Variants in PKHD1 observed in about 807,000 individuals in gnomAD.
The protein encoded by PKHD1 is fibrocystin.
PKHD1 carries 291 observed loss-of-function variants against 412.0 expected under a neutral mutation model. The observed-to-expected ratio is 0.71, with a 90% CI of 0.64 to 0.78. The LOEUF (loss-of-function observed/expected upper bound fraction) is 0.78. PKHD1 is among the 30% of genes least tolerant of loss of function. The probability of loss-of-function intolerance (pLI) is 0.00; values close to 1 mark genes in which losing one functional copy is unlikely to be tolerated. For synonymous variants in PKHD1, 1,777 were observed against 1,821.5 expected (o/e 0.98, Z 0.62); for missense variants, 4,825 against 4,950.7 (o/e 0.97, Z 0.76).
intron 53 of PKHD1, among the ~76,000 whole-genome samples, chr6:51,779,287 C>T (rs1447170296): frequency 6.6e-6 from 1 of 152,054 alleles, no homozygotes; most frequent in Non-Finnish European, 1.5e-5. Flanking sequence ...TACTCCCTTG[C>T]CTCTGCCCCC....
At chr6:51,831,112 AG>A in intron 51 of PKHD1, 123 bp from the exon 52 acceptor site, 2 of 720,862 alleles carry the variant, frequency 2.8e-6, no homozygotes, top group Non-Finnish European at 4.8e-6. Context: ...ATATTTTATA[AG>A]TTTCTGTACA....
intron 60 of PKHD1, among the ~76,000 whole-genome samples, chr6:51,736,693 C>T (rs939256172): frequency 6.6e-6 from 1 of 152,120 alleles, no homozygotes; most frequent in African/African-American, 2.4e-5. Context: ...AGAAAAAGAC[C>T]TCTGCAAGCA....
chr6:52,021,403 ATAT>A (rs1383790533), intron 33 of PKHD1, among the ~76,000 whole-genome samples: 1 of 152,232 alleles, frequency 6.6e-6, no homozygotes, highest in African/African-American at 2.4e-5. Flanking sequence ...TTTTAAAAGT[ATAT>A]TAATTTGAGC....
At chr6:51,731,565 A>G (rs1220166487) in intron 60 of PKHD1, among the ~76,000 whole-genome samples, 2 of 152,198 alleles carry the variant, frequency 1.3e-5, no homozygotes, top group African/African-American at 4.8e-5. Flanking sequence ...TTATATGCCC[A>G]GGATCAATTA....
At chr6:51,734,850 C>A (rs554751942) in intron 60 of PKHD1, among the ~76,000 whole-genome samples, 1 of 152,118 alleles carries the variant, frequency 6.6e-6, no homozygotes, top group African/African-American at 2.4e-5. Flanking sequence ...AATCGACACA[C>A]GATTTAAAGT....
At chr6:51,734,243 T>C (rs1158530213) in intron 60 of PKHD1, among the ~76,000 whole-genome samples, 1 of 152,196 alleles carries the variant, frequency 6.6e-6, no homozygotes, top group East Asian at 1.9e-4. Flanking sequence ...GTCTCCAAAA[T>C]AGGAATAGTC....
At chr6:51,927,864 C>T (rs1785926049) in intron 37 of PKHD1, among the ~76,000 whole-genome samples, 1 of 152,094 alleles carries the variant, frequency 6.6e-6, no homozygotes, top group South Asian at 2.1e-4. Context: ...CCACCAAGAC[C>T]AACCCCCAAG....
At chr6:51,627,620 A>G (rs1193616506) in intron 65 of PKHD1, among the ~76,000 whole-genome samples, 2 of 152,106 alleles carry the variant, frequency 1.3e-5, no homozygotes, top group Non-Finnish European at 1.5e-5. Context: ...TGAAATGAGT[A>G]TTGATTCACA....
At chr6:51,982,606 A>G (rs1381608307) in intron 35 of PKHD1, among the ~76,000 whole-genome samples, 5 of 147,900 alleles carry the variant, frequency 3.4e-5, no homozygotes, top group Admixed American at 2.7e-4. Flanking sequence ...AGATGCTTGA[A>G]GGCAGCATGC....
chr6:51,761,641 A>G (rs528785124), intron 55 of PKHD1, among the ~76,000 whole-genome samples: 1 of 152,116 alleles, frequency 6.6e-6, no homozygotes, highest in Non-Finnish European at 1.5e-5. Context: ...TATGTTAATT[A>G]TGTAGATTTA....
intron 31 of PKHD1, among the ~76,000 whole-genome samples, chr6:52,027,547 A>AAAAAAG: frequency 6.7e-6 from 1 of 149,184 alleles, no homozygotes; most frequent in South Asian, 2.1e-4. Flanking sequence ...AAAAAAAAAA[A>AAAAAAG]AAGAAGAAGA....
At chr6:51,925,941 TGAGTCCA>T (rs1384756365) in intron 37 of PKHD1, among the ~76,000 whole-genome samples, 1 of 149,878 alleles carries the variant, frequency 6.7e-6, no homozygotes, top group East Asian at 2.0e-4. Flanking sequence ...AAGCATATTA[TGAGTCCA>T]GGCACTGTTC....
In PKHD1 at chr6:51,617,789, C is replaced by T. The variant is rs1766190630; in HGVS notation, c.*1292G>A. 6.6e-6 allele frequency: 1 copy of T among 152,208 alleles called. No homozygotes were observed. The highest frequency in any genetic ancestry group is 2.1e-4 in the South Asian group (1 of 4,824). The allele number at this position is 152,208 out of a possible 1,614,324, so 9.4% of individuals were successfully genotyped here. ...TTCTCATAGAACTAATTCAGGGCAT[C>T]ATTATTTAGAATTCAGCAATGAAAG... On this transcript the variant is annotated 3_prime_UTR_variant, in exon 67 of 67. Coordinates refer to ENST00000371117, the MANE Select transcript of PKHD1 (RefSeq NM_138694.4).
At chr6:51,787,418 G>T (rs1406694090) in intron 53 of PKHD1, among the ~76,000 whole-genome samples, 6 of 151,044 alleles carry the variant, frequency 4.0e-5, no homozygotes, top group African/African-American at 7.3e-5. Context: ...GTTGGGACTT[G>T]GATCAAATGG....
chr6:51,635,210 A>C (rs1426276799), intron 64 of PKHD1, among the ~76,000 whole-genome samples: 2 of 152,148 alleles, frequency 1.3e-5, no homozygotes, highest in Admixed American at 1.3e-4. Flanking sequence ...AATTACAGGC[A>C]TGAGCCACCC....
chr6:52,029,026 G>T (rs111228964), intron 29 of PKHD1, among the ~76,000 whole-genome samples: 3 of 152,298 alleles, frequency 2.0e-5, no homozygotes, highest in African/African-American at 7.2e-5. Flanking sequence ...AGCTATATTT[G>T]AGTGTGCACT....
intron 43 of PKHD1, among the ~76,000 whole-genome samples, chr6:51,894,810 G>T (rs943669173): frequency 5.9e-5 from 9 of 152,200 alleles, no homozygotes; most frequent in African/African-American, 2.2e-4. Flanking sequence ...CAATGTCAAT[G>T]TCCTGGCCTT....
chr6:51,861,368 T>C (rs1774162340), intron 48 of PKHD1, among the ~76,000 whole-genome samples: 1 of 152,222 alleles, frequency 6.6e-6, no homozygotes, highest in African/African-American at 2.4e-5. Context: ...CATATCTGTG[T>C]ATTAAAGACA....
chr6:51,741,022 C>A, intron 60 of PKHD1: 1 of 502,400 alleles, frequency 2.0e-6, no homozygotes, highest in South Asian at 1.5e-5. Flanking sequence ...CTTGTCCACA[C>A]ACTGATAGTA....
Sources: gnomAD v4.1 joint callset for allele counts (sites outside exome capture counted in the v4.1 genomes callset) on GRCh38, gnomAD v4.1.1 for gene constraint, MANE v1.5 for transcripts, NCBI Gene and HGNC (gene_info 2026-07-23, HGNC 2026-07-21) for gene names.